Variants in AK4 observed in about 807,000 individuals in gnomAD.
AK4 encodes the protein adenylate kinase 4, mitochondrial.
Under a neutral mutation model 24.6 loss-of-function variants are expected in AK4, and 13 were observed. The observed-to-expected ratio is 0.53, with a 90% confidence interval of 0.34 to 0.84. AK4 has a LOEUF of 0.84. Ranked by LOEUF, AK4 falls within the 40% of genes least tolerant of loss-of-function variation. The pLI, the probability that AK4 is intolerant of heterozygous loss-of-function variation, is 0.01. For synonymous variants in AK4, 88 were observed against 107.0 expected (o/e 0.82, Z 1.10); for missense variants, 192 against 288.2 (o/e 0.67, Z 2.42).
chr1:65,158,958 G>A (rs1650066868), intron 1 of AK4, among the ~76,000 whole-genome samples: 1 of 152,132 alleles, frequency 6.6e-6, no homozygotes. Flanking sequence ...TCATGTAGTT[G>A]AATTTAAATG....
At chr1:65,162,326 G>A (rs975228558) in intron 1 of AK4, among the ~76,000 whole-genome samples, 4 of 152,172 alleles carry the variant, frequency 2.6e-5, no homozygotes, top group African/African-American at 9.7e-5. Flanking sequence ...TGGAGAGGAT[G>A]CGGGAGGAGG....
intron 1 of AK4, among the ~76,000 whole-genome samples, chr1:65,179,228 C>T (rs1015880089): frequency 6.6e-6 from 1 of 152,184 alleles, no homozygotes; most frequent in Non-Finnish European, 1.5e-5. Flanking sequence ...GTCAGCAGCT[C>T]GGTTCTTTAG....
chr1:65,200,177 G>A (rs1031379277), intron 2 of AK4, among the ~76,000 whole-genome samples: 1 of 152,048 alleles, frequency 6.6e-6, no homozygotes, highest in Non-Finnish European at 1.5e-5. Context: ...GCAATGGTGC[G>A]ATCTTGGCTC....
chr1:65,193,664 T>C (rs1347091932), intron 2 of AK4, among the ~76,000 whole-genome samples: 1 of 152,234 alleles, frequency 6.6e-6, no homozygotes, highest in African/African-American at 2.4e-5. Context: ...CCAAAATCCA[T>C]GCTTACTCAA....
intron 2 of AK4, among the ~76,000 whole-genome samples, chr1:65,216,109 A>G (rs529299772): frequency 7.3e-5 from 11 of 151,476 alleles, no homozygotes; most frequent in South Asian, 6.2e-4. Context: ...TTATTTATTT[A>G]CCCATGCAGT....
intron 3 of AK4, among the ~76,000 whole-genome samples, chr1:65,222,520 C>A (rs1034252798): frequency 2.6e-5 from 4 of 152,186 alleles, no homozygotes; most frequent in African/African-American, 9.7e-5. Flanking sequence ...CGCTGTTGCT[C>A]TAGCATCATT....
chr1:65,226,187 A>C lies in AK4; in HGVS notation c.*10A>C. 2 of 1,588,882 alleles carry C rather than the reference A, an allele frequency of 1.3e-6. No homozygotes were observed. Among genetic ancestry groups the C allele is most frequent in the Non-Finnish European group, 1.7e-6 (2 of 1,163,930 alleles). On this transcript the variant is annotated 3_prime_UTR_variant, in exon 5 of 5. Transcript: ENST00000327299. Reference sequence around the variant, plus strand: ...CAAAGAAGCATATTGACCCTGCCCAATGGAAGAACCAGGAAGATGTGGTCA... The same window carrying C: ...CAAAGAAGCATATTGACCCTGCCCACTGGAAGAACCAGGAAGATGTGGTCA...
chr1:65,208,085 G>GT (rs1651864555), intron 2 of AK4, among the ~76,000 whole-genome samples: 1 of 152,188 alleles, frequency 6.6e-6, no homozygotes, highest in African/African-American at 2.4e-5. Flanking sequence ...GCTGATAGTC[G>GT]TAAGTTCTTT....
chr1:65,156,939 A>AAAG (rs1557437204), intron 1 of AK4, among the ~76,000 whole-genome samples: 1 of 151,864 alleles, frequency 6.6e-6, no homozygotes, highest in Non-Finnish European at 1.5e-5. Flanking sequence ...AAAAAAAAAA[A>AAAG]AGAAAGAAAA....
intron 1 of AK4, among the ~76,000 whole-genome samples, chr1:65,188,427 T>G (rs533937786): frequency 6.6e-6 from 1 of 152,152 alleles, no homozygotes; most frequent in African/African-American, 2.4e-5. Flanking sequence ...TGGGGTCAAA[T>G]GATTCTTGAG....
At chr1:65,203,530 G>A (rs1434424372) in intron 2 of AK4, among the ~76,000 whole-genome samples, 1 of 151,906 alleles carries the variant, frequency 6.6e-6, no homozygotes, top group African/African-American at 2.4e-5. Flanking sequence ...TTGGCCTGGC[G>A]CGATGGCTCA....
intron 1 of AK4, among the ~76,000 whole-genome samples, chr1:65,149,828 T>C (rs1229921052): frequency 6.6e-6 from 1 of 152,154 alleles, no homozygotes; most frequent in African/African-American, 2.4e-5. Context: ...TTTTCTGTTG[T>C]GGGTATTGTT....
chr1:65,148,145 G>T (rs1649627584), upstream of AK4: 2 of 638,946 alleles, frequency 3.1e-6, no homozygotes, highest in East Asian at 7.2e-5. Flanking sequence ...GCGTGGGGGC[G>T]AGGAGGTGGA....
chr1:65,189,284 TCTC>T (rs1215642308), intron 1 of AK4, among the ~76,000 whole-genome samples: 8 of 131,148 alleles, frequency 6.1e-5, no homozygotes, highest in African/African-American at 1.3e-4. Context: ...TGTGATTCTC[TCTC>T]TTTTTTTTTT....
intron 1 of AK4, among the ~76,000 whole-genome samples, chr1:65,183,588 T>C (rs1199006246): frequency 6.6e-6 from 1 of 151,978 alleles, no homozygotes; most frequent in African/African-American, 2.4e-5. Flanking sequence ...CTGCAGTGTT[T>C]ATGCTGACTG....
intron 1 of AK4, 23 bp from the exon 2 acceptor site, chr1:65,190,687 T>C (rs925939551): frequency 8.7e-6 from 14 of 1,604,302 alleles, no homozygotes; most frequent in Admixed American, 1.7e-5. Context: ...TGAATACCTC[T>C]TTTTTTCTTG....
chr1:65,167,850 C>T (rs1650384067), intron 1 of AK4, among the ~76,000 whole-genome samples: 1 of 152,186 alleles, frequency 6.6e-6, no homozygotes, highest in Non-Finnish European at 1.5e-5. Flanking sequence ...CCCCTTGAAA[C>T]TGTCATCCAT....
chr1:65,182,611 C>T (rs985976179), intron 1 of AK4, among the ~76,000 whole-genome samples: 2 of 151,846 alleles, frequency 1.3e-5, no homozygotes, highest in African/African-American at 4.8e-5. Context: ...GACTTTCATT[C>T]CAGTTGATGG....
At chr1:65,171,540 C>T (rs1265534088) in intron 1 of AK4, among the ~76,000 whole-genome samples, 1 of 151,836 alleles carries the variant, frequency 6.6e-6, no homozygotes, top group Non-Finnish European at 1.5e-5. Flanking sequence ...CCCCTGACCT[C>T]CTGATCTGCC....
Sources: gnomAD v4.1 joint callset for allele counts (sites outside exome capture counted in the v4.1 genomes callset) on GRCh38, gnomAD v4.1.1 for gene constraint, MANE v1.5 for transcripts, NCBI Gene and HGNC (gene_info 2026-07-23, HGNC 2026-07-21) for gene names.